JPH3: variants seen among roughly 807,000 people sequenced by gnomAD.
JPH3 encodes the protein junctophilin 3.
A neutral mutation model predicts 59.6 loss-of-function variants in JPH3; 11 were observed. The ratio of observed to expected loss-of-function variants is 0.18; its 90% CI spans 0.12 to 0.31. JPH3 has a LOEUF of 0.31. JPH3 is among the 10% of genes least tolerant of loss of function. The probability of loss-of-function intolerance (pLI) is 1.00; values close to 1 mark genes in which losing one functional copy is unlikely to be tolerated. For synonymous variants in JPH3, 673 were observed against 483.6 expected, an observed-to-expected ratio of 1.39 and a Z score of -5.14; for missense variants, 1,202 against 1,105.7, an observed-to-expected ratio of 1.09 and a Z score of -1.24.
At chr16:87,683,602 C>G (rs545877511) in intron 2 of JPH3, among the ~76,000 whole-genome samples, 1 of 151,606 alleles carries the variant, frequency 6.6e-6, no homozygotes, top group South Asian at 2.1e-4. Flanking sequence ...CTGTGCCCAG[C>G]CCCTCCCCTT....
intron 2 of JPH3, among the ~76,000 whole-genome samples, chr16:87,665,343 G>T (rs2032827811): frequency 6.6e-6 from 1 of 151,988 alleles, no homozygotes; most frequent in African/African-American, 2.4e-5. Context: ...AGGGTCTTGG[G>T]GTAGGGTCTG....
In JPH3 at chr16:87,602,780, CCCGCGGGGCTGCCGGCGAGGGGCCCTCT is replaced by C. The variant is rs1398514059; in HGVS notation, c.-365_-338del. ...CGCCCGGCCTCGGCGCGGCGCCCTC[CCCGCGGGGCTGCCGGCGAGGGGCCCTCT>C]CGCCGCTGAGGTGGAGCCGCGGGCC... On this transcript the variant is annotated 5_prime_UTR_variant, in exon 1 of 5. Transcript: ENST00000284262. 2.9e-5 allele frequency: 4 copies of C among 135,872 alleles called. No homozygotes were observed. Among genetic ancestry groups the C allele is most frequent in the Admixed American group, 7.0e-5 (1 of 14,198 alleles). The allele number at this position is 135,872 out of a possible 1,614,324, so 8.4% of individuals were successfully genotyped here.
intron 1 of JPH3, among the ~76,000 whole-genome samples, chr16:87,637,576 C>T (rs866675890): frequency 3.3e-5 from 5 of 152,146 alleles, no homozygotes; most frequent in African/African-American, 7.2e-5. Flanking sequence ...ACGTGGAGTC[C>T]GAAGTTGTAA....
At chr16:87,644,224 C>G (rs1273454351) in intron 1 of JPH3, 34 bp from the exon 2 acceptor site, 1 of 1,570,294 alleles carries the variant, frequency 6.4e-7, no homozygotes. Flanking sequence ...TCCTCTGTCG[C>G]TGGGCACTCA....
intron 1 of JPH3, among the ~76,000 whole-genome samples, chr16:87,613,301 G>A (rs902037159): frequency 6.7e-5 from 10 of 150,106 alleles, no homozygotes; most frequent in African/African-American, 2.2e-4. Flanking sequence ...GGGTTTCACC[G>A]TGTTAGCCAG....
chr16:87,604,162 G>A (rs2030391623), intron 1 of JPH3: 5 of 1,376,154 alleles, frequency 3.6e-6, no homozygotes, highest in African/African-American at 1.4e-5. Context: ...CTCAGTGAGA[G>A]CCCAGGAATC....
intron 1 of JPH3, among the ~76,000 whole-genome samples, chr16:87,634,526 C>T (rs1301091037): frequency 6.6e-6 from 1 of 152,356 alleles, no homozygotes; most frequent in East Asian, 1.9e-4. Context: ...TGCGTCCCTG[C>T]CTCCAGGTGG....
chr16:87,619,189 T>A (rs756491141), intron 1 of JPH3, among the ~76,000 whole-genome samples: 3 of 151,870 alleles, frequency 2.0e-5, no homozygotes, highest in Non-Finnish European at 4.4e-5. Context: ...TGGTGGTGCC[T>A]GTAGTCCCAG....
chr16:87,664,877 C>T (rs555245258), intron 2 of JPH3, among the ~76,000 whole-genome samples: 55 of 152,270 alleles, frequency 3.6e-4, no homozygotes, highest in Non-Finnish European at 7.1e-4. Flanking sequence ...CCCAAGGAAG[C>T]GTCATGAGGA....
At chr16:87,627,217 G>A (rs958206268) in intron 1 of JPH3, among the ~76,000 whole-genome samples, 1 of 152,126 alleles carries the variant, frequency 6.6e-6, no homozygotes, top group African/African-American at 2.4e-5. Context: ...GCCCCTGGAG[G>A]TTGTTAAACC....
intron 3 of JPH3, among the ~76,000 whole-genome samples, chr16:87,688,362 G>A (rs1002797191): frequency 1.1e-4 from 16 of 152,326 alleles, no homozygotes; most frequent in Admixed American, 3.3e-4. Context: ...TGGTGGCGTC[G>A]CAGCGTGCCC....
chr16:87,622,350 G>A (rs192269356), intron 1 of JPH3, among the ~76,000 whole-genome samples: 4 of 152,344 alleles, frequency 2.6e-5, no homozygotes, highest in East Asian at 3.9e-4. Context: ...CCAAGCCTCC[G>A]TGAGCAAGGA....
chr16:87,613,522 T>C (rs1158688200), intron 1 of JPH3, among the ~76,000 whole-genome samples: 4 of 152,196 alleles, frequency 2.6e-5, no homozygotes, highest in Non-Finnish European at 5.9e-5. Context: ...GGTTTCACCA[T>C]GTTGGCCAGA....
At position 87,661,144 on chromosome 16, in the gene JPH3, G is replaced by C. The variant is rs181660354; in HGVS notation, c.1160+16109G>C. ...TTCCAGAGGCCGCCTGCGTTCCTTG[G>C]CTCGAGGTCCCTCCTCCACCTTCAG... On this transcript the variant is annotated intron_variant, in intron 2 of 4. Coordinates refer to ENST00000284262, the MANE Select transcript of JPH3 (RefSeq NM_020655.4). Among the ~76,000 whole-genome samples, 349 of 152,222 alleles carry C rather than the reference G, an allele frequency of 2.3e-3. 2 individuals carry two copies. The highest frequency in any genetic ancestry group is 7.7e-3 in the African/African-American group (320 of 41,550).
At chr16:87,604,795 A>T (rs2030452263) in intron 1 of JPH3, 1 of 358,768 alleles carries the variant, frequency 2.8e-6, no homozygotes, top group Non-Finnish European at 3.9e-6. Flanking sequence ...GAAGAGGAGG[A>T]GGAGTCTGGG....
chr16:87,630,752 G>T (rs1200373597), intron 1 of JPH3, among the ~76,000 whole-genome samples: 1 of 152,170 alleles, frequency 6.6e-6, no homozygotes, highest in Non-Finnish European at 1.5e-5. Context: ...TTAAGTGGGT[G>T]TGTTTGCCGC....
intron 2 of JPH3, chr16:87,653,958 C>G (rs1345695432): frequency 2.6e-5 from 4 of 152,300 alleles, no homozygotes; most frequent in African/African-American, 9.6e-5. Context: ...GTGCGGTCAT[C>G]TCTGCAGGCA....
At chr16:87,691,375 G>A (rs933741607) in intron 4 of JPH3, among the ~76,000 whole-genome samples, 1 of 152,260 alleles carries the variant, frequency 6.6e-6, no homozygotes, top group African/African-American at 2.4e-5. Flanking sequence ...ACCCCAGCAG[G>A]GCTCTGCTCG....
intron 2 of JPH3, among the ~76,000 whole-genome samples, chr16:87,673,418 T>G (rs9923950): frequency 0.1 from 15,244 of 152,104 alleles, 853 homozygotes; most frequent in Middle Eastern, 0.16. Context: ...GAGAGAAAAT[T>G]GTGAATCTCT....
Sources: allele counts gnomAD v4.1 joint callset (sites outside exome capture counted in the v4.1 genomes callset), GRCh38; gene constraint gnomAD v4.1.1; transcripts MANE v1.5; gene names NCBI Gene and HGNC (gene_info 2026-07-23, HGNC 2026-07-21).